EIF4G1: variants seen among roughly 807,000 people sequenced by gnomAD.
EIF4G1 encodes the protein EIF4-gamma.
Under a neutral mutation model 187.8 loss-of-function variants are expected in EIF4G1, and 4 were observed. The observed-to-expected ratio is 0.02, with a 90% CI of 0.01 to 0.05. The LOEUF (loss-of-function observed/expected upper bound fraction) is 0.05, where lower values mean the gene tolerates loss of function less well. Ranked by LOEUF, EIF4G1 falls within the 10% of genes least tolerant of loss-of-function variation. EIF4G1 has a pLI of 1.00. For missense variants in EIF4G1, 1,647 were observed against 2,081.1 expected (o/e 0.79, Z 4.06); for synonymous variants, 844 against 781.4 (o/e 1.08, Z -1.34).
chr3:184,326,510 C>A lies in EIF4G1; in HGVS notation c.3223-17C>A. 1.2e-6 allele frequency: 2 copies of A among 1,613,816 alleles called. No individual in the cohort carries two copies. The highest frequency in any genetic ancestry group is 1.7e-6 in the Non-Finnish European group (2 of 1,179,928). On this transcript the variant is annotated splice_polypyrimidine_tract_variant and intron_variant, in intron 21 of 32. Coordinates refer to ENST00000346169, the MANE Select transcript of EIF4G1 (RefSeq NM_198241.3). ...GCCGGGTTGGACCTATGATTCTACT[C>A]CCCTTTTCTTCTTCAGCCTGGCTCC...
chr3:184,332,124 G>C (rs762071874), intron 32 of EIF4G1, 38 bp downstream of exon 32: 1 of 1,613,878 alleles, frequency 6.2e-7, no homozygotes, highest in Admixed American at 1.7e-5. Context: ...TGGGGTGGAG[G>C]GACTGCCAGA....
In EIF4G1 at chr3:184,323,029, G is replaced by A; in HGVS notation, c.1930-54G>A. The A allele has an allele frequency of 1.2e-6, 2 of 1,614,180 alleles. No individual in the cohort carries two copies. Among genetic ancestry groups the A allele is most frequent in the South Asian group, 1.1e-5 (1 of 91,086 alleles). ...TGGGGAGGAGCCTGAGGTCCTGAAA[G>A]AGTAGTCAACCGCTCTAGCCTGCTT... On this transcript the variant is annotated intron_variant, in intron 13 of 32. Transcript: ENST00000346169. This position sits in a 1 kb window ranked among gnomAD's most constrained non-coding sequence, Gnocchi z 6.9.
chr3:184,331,303 G>T lies in EIF4G1; in HGVS notation c.4199G>T (p.Gly1400Val), dbSNP rs774457232. 2.4e-5 allele frequency: 39 copies of T among 1,614,180 alleles called. No individual in the cohort carries two copies. In the South Asian group the frequency reaches 4.3e-4, roughly 18 times the overall value. ...KKVGTLWREA[G>V]LSWKEFLPEG... is the part of the protein sequence containing the mutation. Reference sequence around the variant, plus strand: ...GTGGGGACGCTGTGGCGAGAAGCCGGGCTTAGCTGGAAGGAATTTCTACCT... The same window carrying T: ...GTGGGGACGCTGTGGCGAGAAGCCGTGCTTAGCTGGAAGGAATTTCTACCT... The change falls in exon 29 of 33, where the codon GGG becomes GTG. Residue 1400 changes from glycine to valine, a missense_variant. Gly to Val is a moderately radical substitution (Grantham distance 109). This residue lies in a region of EIF4G1 where 543 missense variants were observed against 638.0 expected (regional missense o/e 0.85). Transcript: ENST00000346169.
chr3:184,317,268 T>C, intron 4 of EIF4G1, 53 bp from the exon 5 acceptor site: 1 of 1,603,300 alleles, frequency 6.2e-7, no homozygotes, highest in Non-Finnish European at 8.5e-7. Context: ...GTGGCAATTT[T>C]TTGTCCACTT....
rs1243386836 is a variant in EIF4G1 at position 184,323,410 on chromosome 3, T to A, written c.2091T>A (p.Ala697=). 6.2e-7 allele frequency: 1 copy of A among 1,614,234 alleles called. No homozygotes were observed. Among genetic ancestry groups the A allele is most frequent in the Non-Finnish European group, 8.5e-7 (1 of 1,180,046 alleles). The change falls in exon 15 of 33, where the codon GCT becomes GCA. Residue 697 remains alanine (A), a splice_region_variant and synonymous_variant. Coordinates refer to ENST00000346169, the MANE Select transcript of EIF4G1 (RefSeq NM_198241.3). This position sits in a 1 kb window ranked among gnomAD's most constrained non-coding sequence, Gnocchi z 6.9. The part of the protein sequence containing the change: ...GPGGELPRGP[A]GLGPRRSQQG... The stretch of plus-strand genomic sequence containing the variant: ...TGTCTTCATCCCTTGCTTAGCAGGC[T>A]GGCCTGGGACCCCGGCGCTCTCAGC...
intron 1 of EIF4G1, 36 bp downstream of exon 1, chr3:184,314,710 C>T (rs1052414067): frequency 6.7e-6 from 1 of 148,544 alleles, no homozygotes; most frequent in African/African-American, 2.5e-5. Flanking sequence ...CCCGGCCCCC[C>T]CACCCCCTCC....
chr3:184,329,370 C>T (rs893457831), intron 28 of EIF4G1, among the ~76,000 whole-genome samples: 9 of 152,290 alleles, frequency 5.9e-5, no homozygotes, highest in South Asian at 2.1e-4. Context: ...CAGTGGCTCA[C>T]GCCTGTAATC....
Position 184,322,623 on chromosome 3 carries a change from T to A in EIF4G1, c.1688T>A (p.Val563Glu). 6.2e-7 allele frequency: 1 copy of A among 1,614,160 alleles called. No homozygotes were observed. Among genetic ancestry groups the A allele is most frequent in the Non-Finnish European group, 8.5e-7 (1 of 1,180,042 alleles). The part of the protein sequence containing the change: ...NPGPESEGSG[V>E]PPRPEEADET... ...GGCCCAGAGTCTGAGGGCAGTGGTG[T>A]GCCCCCACGTCCTGAGGAAGCAGAT... The change falls in exon 12 of 33, where the codon GTG becomes GAG. Residue 563 changes from valine (V) to glutamate (E), a missense_variant. Coordinates refer to ENST00000346169, the MANE Select transcript of EIF4G1 (RefSeq NM_198241.3).
intron 4 of EIF4G1, chr3:184,316,580 T>C (rs960293007): frequency 6.9e-6 from 6 of 875,458 alleles, no homozygotes; most frequent in Admixed American, 4.9e-5. Flanking sequence ...CAGCTGGTCC[T>C]TGCCTTTCTC....
In EIF4G1 at chr3:184,323,562, G is replaced by A. The variant is rs1338932878; in HGVS notation, c.2243G>A (p.Gly748Glu). The A allele has an allele frequency of 1.2e-6, 2 of 1,614,106 alleles. No homozygotes were observed. The highest frequency in any genetic ancestry group is 8.5e-7 in the Non-Finnish European group (1 of 1,180,028). The change falls in exon 15 of 33, where the codon GGG (glycine) becomes GAG (glutamate). Residue 748 changes from glycine (G) to glutamate (E), a missense_variant. Transcript: ENST00000346169. The surrounding 1 kb of genome is among the most constrained non-coding windows in gnomAD (Gnocchi z 6.9). Reference sequence around the variant, plus strand: ...CGGACGGCGGCTGATAAGGATCGAGGGGAAGAAGATGCTGATGGCAGCAAA... The same window carrying A: ...CGGACGGCGGCTGATAAGGATCGAGAGGAAGAAGATGCTGATGGCAGCAAA... ...SKRTAADKDR[G>E]EEDADGSKTQ...
intron 4 of EIF4G1, chr3:184,316,800 G>C (rs1291993179): frequency 2.6e-6 from 4 of 1,513,564 alleles, no homozygotes; most frequent in Non-Finnish European, 3.6e-6. Context: ...CTAGTCAGGG[G>C]CTAGACACAG....
chr3:184,328,092 T>C, intron 26 of EIF4G1, 90 bp downstream of exon 26: 1 of 1,485,866 alleles, frequency 6.7e-7, no homozygotes, highest in Non-Finnish European at 9.3e-7. Context: ...CATAAGAGTG[T>C]AGGTTCCCTG....
chr3:184,330,759 TGAGACA>T (rs1335833760), intron 28 of EIF4G1, among the ~76,000 whole-genome samples: 1 of 152,122 alleles, frequency 6.6e-6, no homozygotes, highest in African/African-American at 2.4e-5. Context: ...ATTATTTTTT[TGAGACA>T]GAGTCTCGCT....
chr3:184,335,202 G>T lies in EIF4G1; in HGVS notation c.*294G>T. The T allele has an allele frequency of 2.5e-6, 1 of 400,466 alleles. No individual in the cohort carries two copies. The highest frequency in any genetic ancestry group is 4.6e-6 in the Non-Finnish European group (1 of 218,072). 24.8% of individuals were successfully genotyped at this position (400,466 alleles called of 1,614,324 possible). The stretch of plus-strand genomic sequence containing the variant: ...AGGGGCACCAACGCCTGCCCCTGGG[G>T]TCCTTTTTTTTATTTTCTGAAAATC... On this transcript the variant is annotated 3_prime_UTR_variant, in exon 33 of 33. Transcript: ENST00000346169.
In EIF4G1 at chr3:184,327,502, C is replaced by T. The variant is rs1725170656; in HGVS notation, c.3661+54C>T. The T allele has an allele frequency of 3.1e-6, 5 of 1,612,422 alleles. No individual in the cohort carries two copies. In the South Asian group the frequency reaches 5.5e-5, roughly 18 times the overall value. ...AAGGCATTGGCTGCCTTGGGACTAG[C>T]TGGTCCCCAGCTTTTTGAGAGCTCC... On this transcript the variant is annotated intron_variant, in intron 24 of 32. Coordinates refer to ENST00000346169, the MANE Select transcript of EIF4G1 (RefSeq NM_198241.3).
At position 184,321,856 on chromosome 3, in the gene EIF4G1, G is replaced by A. The variant is rs1056158130; in HGVS notation, c.1272G>A (p.Gln424=). The A allele has an allele frequency of 1.4e-5, 22 of 1,613,982 alleles. No homozygotes were observed. Among genetic ancestry groups the A allele is most frequent in the Non-Finnish European group, 1.7e-5 (20 of 1,179,994 alleles). ...GCCCAGTCAGTGAGCCAGAGGAGCA[G>A]GCCAAGGAGGTGACAGCATCAATGG... ...DLSPVSEPEE[Q]AKEVTASMAP... Residue 424 remains glutamine (Q), a synonymous_variant, in exon 10 of 33, where the codon CAG becomes CAA. Coordinates refer to ENST00000346169, the MANE Select transcript of EIF4G1 (RefSeq NM_198241.3).
intron 28 of EIF4G1, among the ~76,000 whole-genome samples, chr3:184,330,969 A>C (rs540039787): frequency 6.6e-6 from 1 of 151,756 alleles, no homozygotes; most frequent in Non-Finnish European, 1.5e-5. Flanking sequence ...CCGACTCCTG[A>C]CCTCAGGTGA....
At chr3:184,319,467 T>G (rs7635741) in intron 6 of EIF4G1, among the ~76,000 whole-genome samples, 412 of 11,160 alleles carry the variant, frequency 0.037, 21 homozygotes, top group Middle Eastern at 0.14. Context: ...GTGTGTGTGT[T>G]TGTGTGTGTG....
intron 17 of EIF4G1, 90 bp downstream of exon 17, chr3:184,324,437 A>G: frequency 9.4e-6 from 15 of 1,588,384 alleles, no homozygotes; most frequent in Non-Finnish European, 1.3e-5. Context: ...GAATGGAGGT[A>G]GTGGTGTCTT....
Sources: allele counts gnomAD v4.1 joint callset (sites outside exome capture counted in the v4.1 genomes callset), GRCh38; gene constraint gnomAD v4.1.1; regional missense constraint gnomAD v4.1.1; non-coding constraint Gnocchi (gnomAD v3.1); transcripts MANE v1.5; gene names NCBI Gene and HGNC (gene_info 2026-07-23, HGNC 2026-07-21).